FHIT: variants seen among roughly 807,000 people sequenced by gnomAD.
FHIT encodes the protein fragile histidine triad diadenosine triphosphatase, also known as bis(5'-adenosyl)-triphosphatase.
Under a neutral mutation model 17.9 loss-of-function variants are expected in FHIT, and 19 were observed. The observed-to-expected ratio is 1.06, with a 90% confidence interval of 0.74 to 1.56. The LOEUF (loss-of-function observed/expected upper bound fraction) is 1.56, where lower values mean the gene tolerates loss of function less well. Ranked by LOEUF, FHIT falls within the 40% of genes most tolerant of loss-of-function variation. The probability of loss-of-function intolerance (pLI) is 0.00; values close to 1 mark genes in which losing one functional copy is unlikely to be tolerated. For synonymous variants in FHIT, 81 were observed against 69.7 expected (o/e 1.16, Z -0.81); for missense variants, 248 against 189.2 (o/e 1.31, Z -1.82).
intron 5 of FHIT, among the ~76,000 whole-genome samples, chr3:60,192,975 A>C (rs568016605): frequency 7.2e-4 from 110 of 152,338 alleles, no homozygotes; most frequent in African/African-American, 2.5e-3. Flanking sequence ...TGTTCTTAAA[A>C]TCATTCATTC....
intron 7 of FHIT, among the ~76,000 whole-genome samples, chr3:59,972,645 A>C (rs756947556): frequency 6.6e-6 from 1 of 152,062 alleles, no homozygotes; most frequent in Non-Finnish European, 1.5e-5. Context: ...TCCAAGTCCT[A>C]TGAGTTCACA....
At chr3:59,934,721 A>C (rs1334930121) in intron 7 of FHIT, among the ~76,000 whole-genome samples, 1 of 152,124 alleles carries the variant, frequency 6.6e-6, no homozygotes, top group Non-Finnish European at 1.5e-5. Flanking sequence ...CCTTCTTCAC[A>C]TGGGGGCAGC....
chr3:60,483,464 A>G (rs2033704121), intron 5 of FHIT, among the ~76,000 whole-genome samples: 1 of 152,232 alleles, frequency 6.6e-6, no homozygotes, highest in African/African-American at 2.4e-5. Flanking sequence ...GCAGCACATC[A>G]AAAAACTTAT....
At chr3:60,570,701 T>C (rs1227610670) in intron 4 of FHIT, among the ~76,000 whole-genome samples, 1 of 145,396 alleles carries the variant, frequency 6.9e-6, no homozygotes, top group African/African-American at 2.6e-5. Flanking sequence ...CAAGAGTTCT[T>C]TGAAGGCAGA....
At chr3:60,928,304 C>G (rs1707757796) in intron 3 of FHIT, among the ~76,000 whole-genome samples, 2 of 83,630 alleles carry the variant, frequency 2.4e-5, no homozygotes, top group Admixed American at 2.6e-4. Context: ...GAATGATCAA[C>G]AAATACTAAA....
chr3:60,525,560 T>C, intron 5 of FHIT, among the ~76,000 whole-genome samples: 1 of 152,222 alleles, frequency 6.6e-6, no homozygotes, highest in East Asian at 1.9e-4. Context: ...AGCCACCCTA[T>C]GTTGAATCCC....
intron 5 of FHIT, among the ~76,000 whole-genome samples, chr3:60,345,926 G>C (rs1365773632): frequency 6.6e-6 from 1 of 152,220 alleles, no homozygotes; most frequent in Non-Finnish European, 1.5e-5. Context: ...ACTTGAAGAT[G>C]CATTGGTAAT....
intron 5 of FHIT, among the ~76,000 whole-genome samples, chr3:60,512,848 T>C (rs191295080): frequency 3.3e-5 from 5 of 152,210 alleles, no homozygotes. Context: ...TCCAAGGGAG[T>C]TAGACAATTG....
At chr3:60,909,503 G>T (rs1553765351) in intron 3 of FHIT, among the ~76,000 whole-genome samples, 2 of 152,036 alleles carry the variant, frequency 1.3e-5, no homozygotes, top group Non-Finnish European at 2.9e-5. Flanking sequence ...ATTGTGATGT[G>T]GTTCTCTGTA....
chr3:60,817,495 A>G (rs1425435632), intron 4 of FHIT, among the ~76,000 whole-genome samples: 2 of 151,820 alleles, frequency 1.3e-5, no homozygotes, highest in East Asian at 3.9e-4. Flanking sequence ...TTTGCTACAC[A>G]TAGAATTCTG....
At chr3:61,058,310 T>A (rs2034298761) in intron 2 of FHIT, among the ~76,000 whole-genome samples, 1 of 152,344 alleles carries the variant, frequency 6.6e-6, no homozygotes, top group East Asian at 1.9e-4. Flanking sequence ...TAGTTTCCAA[T>A]AATTTATATA....
intron 5 of FHIT, among the ~76,000 whole-genome samples, chr3:60,363,772 G>C (rs1559854565): frequency 6.6e-6 from 1 of 152,080 alleles, no homozygotes; most frequent in Admixed American, 6.6e-5. Flanking sequence ...GGCCCCCCTG[G>C]CTTCAGTGAG....
chr3:60,604,256 C>T (rs1487540147), intron 4 of FHIT, among the ~76,000 whole-genome samples: 3 of 152,118 alleles, frequency 2.0e-5, no homozygotes, highest in African/African-American at 4.8e-5. Flanking sequence ...TAATTAAGTA[C>T]TTTTGACCAC....
At chr3:60,856,590 C>A (rs1703395487) in intron 3 of FHIT, 1 of 152,132 alleles carries the variant, frequency 6.6e-6, no homozygotes, top group Admixed American at 6.6e-5. Context: ...GAAATGACCC[C>A]TGGAAATATA....
At chr3:60,510,140 A>T (rs1208587048) in intron 5 of FHIT, among the ~76,000 whole-genome samples, 2 of 152,232 alleles carry the variant, frequency 1.3e-5, no homozygotes, top group Non-Finnish European at 2.9e-5. Context: ...AAGGTCAGGT[A>T]TGAAGAACAC....
intron 5 of FHIT, among the ~76,000 whole-genome samples, chr3:60,535,238 C>CA (rs1019514742): frequency 4.0e-5 from 6 of 151,436 alleles, no homozygotes; most frequent in African/African-American, 1.2e-4. Context: ...GGAACAACAA[C>CA]AAAAAAAAGT....
intron 7 of FHIT, among the ~76,000 whole-genome samples, chr3:59,925,999 C>T (rs1053602255): frequency 6.6e-6 from 1 of 152,208 alleles, no homozygotes; most frequent in Non-Finnish European, 1.5e-5. Context: ...TCACAACTTA[C>T]TTTTCTAAGT....
intron 4 of FHIT, among the ~76,000 whole-genome samples, chr3:60,688,591 C>T (rs1449111575): frequency 7.9e-5 from 12 of 151,952 alleles, no homozygotes; most frequent in Admixed American, 7.9e-4. Context: ...ACCACAAGGC[C>T]AGGCTAATTT....
intron 5 of FHIT, among the ~76,000 whole-genome samples, chr3:60,442,587 G>T (rs1028439745): frequency 6.6e-6 from 1 of 152,108 alleles, no homozygotes; most frequent in African/African-American, 2.4e-5. Context: ...AGTTGTAGAT[G>T]TGTGGTATTA....
Sources: gnomAD v4.1 joint callset for allele counts (sites outside exome capture counted in the v4.1 genomes callset) on GRCh38, gnomAD v4.1.1 for gene constraint, MANE v1.5 for transcripts, NCBI Gene and HGNC (gene_info 2026-07-23, HGNC 2026-07-21) for gene names.